COMMD1: variants seen among roughly 807,000 people sequenced by gnomAD.
The protein encoded by COMMD1 is COMM domain-containing protein 1.
A neutral mutation model predicts 17.2 loss-of-function variants in COMMD1; 10 were observed. The ratio of observed to expected loss-of-function variants is 0.58; its 90% CI spans 0.36 to 0.99. The LOEUF is 0.99. Ranked by LOEUF, COMMD1 falls within the 50% of genes least tolerant of loss-of-function variation. The pLI is 0.01. For missense variants in COMMD1, 270 were observed against 231.8 expected, an observed-to-expected ratio of 1.17 and a Z score of -1.07; for synonymous variants, 97 against 91.6, an observed-to-expected ratio of 1.06 and a Z score of -0.34.
chr2:61,935,631 C>CA (rs576624967), intron 1 of COMMD1, among the ~76,000 whole-genome samples: 12,842 of 142,964 alleles, frequency 0.09, 1,309 homozygotes, highest in African/African-American at 0.25. Flanking sequence ...GACTCTGTTT[C>CA]AAAAAAAAAA....
intron 2 of COMMD1, among the ~76,000 whole-genome samples, chr2:62,091,111 T>C (rs1671814019): frequency 6.6e-6 from 1 of 152,340 alleles, no homozygotes; most frequent in African/African-American, 2.4e-5. Context: ...TGTAGTACAA[T>C]AGACATGAGC....
intron 1 of COMMD1, among the ~76,000 whole-genome samples, chr2:61,909,925 G>A (rs975105450): frequency 6.6e-6 from 1 of 152,160 alleles, no homozygotes; most frequent in Non-Finnish European, 1.5e-5. Context: ...TGACTTTCAT[G>A]TTGTGTGCCA....
At chr2:62,003,092 G>T (rs1669002466) in intron 2 of COMMD1, among the ~76,000 whole-genome samples, 1 of 151,996 alleles carries the variant, frequency 6.6e-6, no homozygotes, top group African/African-American at 2.4e-5. Flanking sequence ...AATTAGCTGG[G>T]CATGGTGGCA....
chr2:61,893,059 GTTT>G (rs1669472814), intron 1 of COMMD1, among the ~76,000 whole-genome samples: 2 of 151,914 alleles, frequency 1.3e-5, no homozygotes, highest in Admixed American at 6.6e-5. Flanking sequence ...TAGAGACGGG[GTTT>G]CACCATGTTG....
intron 1 of COMMD1, among the ~76,000 whole-genome samples, chr2:61,911,442 C>T (rs1669904048): frequency 6.6e-6 from 1 of 152,172 alleles, no homozygotes; most frequent in Non-Finnish European, 1.5e-5. Flanking sequence ...CACCATTGCA[C>T]TCCAGCCTGG....
intron 1 of COMMD1, among the ~76,000 whole-genome samples, chr2:61,935,642 A>G (rs1049786555): frequency 1.3e-5 from 2 of 151,928 alleles, no homozygotes; most frequent in African/African-American, 4.8e-5. Context: ...AAAAAAAAAA[A>G]GGTAAAATTT....
At chr2:62,004,809 T>G (rs146838464) in intron 2 of COMMD1, among the ~76,000 whole-genome samples, 1 of 152,194 alleles carries the variant, frequency 6.6e-6, no homozygotes, top group African/African-American at 2.4e-5. Context: ...AAGTACCCAA[T>G]TTTTAGAACA....
intron 1 of COMMD1, among the ~76,000 whole-genome samples, chr2:61,936,985 AG>A (rs758489505): frequency 3.3e-5 from 5 of 152,178 alleles, no homozygotes; most frequent in Admixed American, 6.5e-5. Flanking sequence ...TTGATATGGA[AG>A]GGTGGGACAA....
chr2:62,111,437 G>A (rs1322064091), intron 2 of COMMD1, among the ~76,000 whole-genome samples: 1 of 152,206 alleles, frequency 6.6e-6, no homozygotes, highest in African/African-American at 2.4e-5. Flanking sequence ...TACATGGGGT[G>A]TATTCTAATG....
rs941515711 is a variant in COMMD1, at chr2:61,999,843, A to G, written c.181-858A>G. Among the ~76,000 whole-genome samples the G allele has an allele frequency of 2.6e-5, 4 of 152,166 alleles. No individual in the cohort carries two copies. In the South Asian group the frequency reaches 8.3e-4, roughly 31 times the overall value. ...TGAGTGACATGGAATTTTTAACAGT[A>G]GCTTTTCTGATATTTGATGTTTCCA... On this transcript the variant is annotated intron_variant, in intron 1 of 2. Coordinates refer to ENST00000311832, the MANE Select transcript of COMMD1 (RefSeq NM_152516.4).
At position 62,036,321 on chromosome 2, in the gene COMMD1, T is replaced by G. The variant is rs533285671; in HGVS notation, c.462+35339T>G. Among the ~76,000 whole-genome samples the G allele has an allele frequency of 4.6e-5, 7 of 152,282 alleles. No homozygotes were observed. The East Asian group carries it at 9.7e-4, about 21-fold the overall frequency. On this transcript the variant is annotated intron_variant, in intron 2 of 2. Coordinates refer to ENST00000311832, the MANE Select transcript of COMMD1 (RefSeq NM_152516.4). ...ATATCCTTACAATGATACTGTGAAA[T>G]AAGTAGGGCAGCTGTTAAAATCCTT...
chr2:62,031,785 A>G (rs561229940), intron 2 of COMMD1, among the ~76,000 whole-genome samples: 1 of 152,328 alleles, frequency 6.6e-6, no homozygotes, highest in East Asian at 1.9e-4. Context: ...TTGGAATTTG[A>G]TCTCTAACGA....
chr2:62,110,549 C>T (rs1480793126), intron 2 of COMMD1, among the ~76,000 whole-genome samples: 1 of 152,152 alleles, frequency 6.6e-6, no homozygotes, highest in Non-Finnish European at 1.5e-5. Flanking sequence ...TCCCGTTTCT[C>T]CTTGAGTTCT....
chr2:61,926,876 C>G (rs1485063371), intron 1 of COMMD1, among the ~76,000 whole-genome samples: 1 of 152,032 alleles, frequency 6.6e-6, no homozygotes, highest in Non-Finnish European at 1.5e-5. Context: ...CCACAGGTGC[C>G]TCTGTGATTT....
At chr2:61,967,884 G>C (rs1160777591) in intron 1 of COMMD1, among the ~76,000 whole-genome samples, 3 of 152,184 alleles carry the variant, frequency 2.0e-5, no homozygotes, top group African/African-American at 7.2e-5. Flanking sequence ...AAATAGGCTG[G>C]GTGTGGTGGC....
intron 2 of COMMD1, among the ~76,000 whole-genome samples, chr2:62,126,749 A>G (rs1053552117): frequency 6.6e-6 from 1 of 152,162 alleles, no homozygotes; most frequent in Non-Finnish European, 1.5e-5. Flanking sequence ...AGAGCCATTC[A>G]TGACAAACCC....
intron 1 of COMMD1, among the ~76,000 whole-genome samples, chr2:61,996,626 A>G (rs987303722): frequency 1.3e-4 from 20 of 152,132 alleles, no homozygotes; most frequent in African/African-American, 4.1e-4. Flanking sequence ...GTAATGTTCT[A>G]AGTCCTTTGT....
chr2:62,054,296 A>G (rs1293544239), intron 2 of COMMD1, among the ~76,000 whole-genome samples: 2 of 152,192 alleles, frequency 1.3e-5, no homozygotes, highest in Admixed American at 6.5e-5. Flanking sequence ...AGTTATCTCA[A>G]AGAACTAAAA....
At chr2:61,966,174 T>TAA (rs1312872938) in intron 1 of COMMD1, among the ~76,000 whole-genome samples, 3 of 152,212 alleles carry the variant, frequency 2.0e-5, no homozygotes, top group Non-Finnish European at 4.4e-5. Context: ...TGTACTCTTT[T>TAA]TTTTCCCATT....
Sources: gnomAD v4.1 joint callset for allele counts (sites outside exome capture counted in the v4.1 genomes callset) on GRCh38, gnomAD v4.1.1 for gene constraint, MANE v1.5 for transcripts, NCBI Gene and HGNC (gene_info 2026-07-23, HGNC 2026-07-21) for gene names.